Variants in CLSTN1 observed in about 807,000 individuals in gnomAD.
The protein encoded by CLSTN1 is calsyntenin 1, also known as calsyntenin-1.
A neutral mutation model predicts 108.3 loss-of-function variants in CLSTN1; 28 were observed. The ratio of observed to expected loss-of-function variants is 0.26; its 90% CI spans 0.19 to 0.35. CLSTN1 has a LOEUF of 0.35. CLSTN1 is among the 10% of genes least tolerant of loss of function. CLSTN1 has a pLI of 1.00. For missense variants in CLSTN1, 1,157 were observed against 1,302.6 expected (o/e 0.89, Z 1.72); for synonymous variants, 524 against 534.9 (o/e 0.98, Z 0.28).
intron 2 of CLSTN1, among the ~76,000 whole-genome samples, chr1:9,758,108 C>G (rs1192306742): frequency 2.0e-5 from 3 of 152,116 alleles, no homozygotes; most frequent in African/African-American, 7.2e-5. Flanking sequence ...ATTCTCCTGC[C>G]TCAGCTTCCT....
rs143279842 is a variant in CLSTN1, at chr1:9,799,962, A to T, written c.91+23681T>A. On this transcript the variant is annotated intron_variant, in intron 1 of 18. Coordinates refer to ENST00000377298, the MANE Select transcript of CLSTN1 (RefSeq NM_001009566.3). Reference sequence around the variant, plus strand: ...TCTCAAAATAAACAAACAAACAAAAAACCACACATAAATGTAACACGTGGA... The same window carrying T: ...TCTCAAAATAAACAAACAAACAAAATACCACACATAAATGTAACACGTGGA... Among the ~76,000 whole-genome samples, 863 of 152,280 alleles carry T rather than the reference A, an allele frequency of 5.7e-3. 9 individuals carry two copies. Among genetic ancestry groups the T allele is most frequent in the Middle Eastern group, 0.021 (6 of 292 alleles).
intron 1 of CLSTN1, among the ~76,000 whole-genome samples, chr1:9,798,065 G>A (rs1654090732): frequency 6.7e-6 from 1 of 150,102 alleles, no homozygotes; most frequent in African/African-American, 2.5e-5. Context: ...CTGCACTCCA[G>A]CCTGGGCAAC....
intron 3 of CLSTN1, among the ~76,000 whole-genome samples, chr1:9,756,125 T>C (rs991955358): frequency 3.3e-5 from 5 of 152,238 alleles, no homozygotes; most frequent in African/African-American, 1.2e-4. Flanking sequence ...TATAAATGTT[T>C]TGATGTCGAT....
chr1:9,808,185 G>A (rs1654585401), intron 1 of CLSTN1, among the ~76,000 whole-genome samples: 1 of 152,198 alleles, frequency 6.6e-6, no homozygotes, highest in Non-Finnish European at 1.5e-5. Context: ...AAGAGTCAGT[G>A]CTTCCCATAT....
chr1:9,823,899 C>T lies in CLSTN1; in HGVS notation c.-166G>A, dbSNP rs920049941. 3 of 184,260 alleles carry T rather than the reference C, an allele frequency of 1.6e-5. No individual in the cohort carries two copies. Among genetic ancestry groups the T allele is most frequent in the Admixed American group, 6.4e-5 (1 of 15,720 alleles). The allele number at this position is 184,260 out of a possible 1,614,324, so 11.4% of individuals were successfully genotyped here. On this transcript the variant is annotated 5_prime_UTR_variant, in exon 1 of 19. Transcript: ENST00000377298. The surrounding 1 kb of genome is among the most constrained non-coding windows in gnomAD (Gnocchi z 6.3). ...CGCCGCCGTGACGCTGGGCCGCGCG[C>T]TCAGGACGCGGCGCCCTCCCCGCCT... is the stretch of plus-strand genomic sequence containing the variant.
At chr1:9,745,658 T>C (rs1041788624) in intron 7 of CLSTN1, among the ~76,000 whole-genome samples, 4 of 151,544 alleles carry the variant, frequency 2.6e-5, no homozygotes, top group African/African-American at 9.7e-5. Context: ...GTCTCAAAAA[T>C]ATATAAACAA....
At chr1:9,744,298 C>T in intron 8 of CLSTN1, 97 bp downstream of exon 8, 11 of 1,491,276 alleles carry the variant, frequency 7.4e-6, no homozygotes, top group Non-Finnish European at 9.9e-6. Flanking sequence ...GAGCACCAGG[C>T]TGGCAGGGGA....
chr1:9,804,605 G>C (rs1254265488), intron 1 of CLSTN1, among the ~76,000 whole-genome samples: 1 of 152,134 alleles, frequency 6.6e-6, no homozygotes, highest in African/African-American at 2.4e-5. Context: ...AGCACTTTAG[G>C]AGGCCAAGGT....
At chr1:9,804,807 G>T (rs910106737) in intron 1 of CLSTN1, among the ~76,000 whole-genome samples, 5 of 152,134 alleles carry the variant, frequency 3.3e-5, no homozygotes, top group African/African-American at 1.2e-4. Flanking sequence ...ATTACAGCCT[G>T]GGCGATGGAG....
intron 2 of CLSTN1, among the ~76,000 whole-genome samples, chr1:9,763,493 CACAG>C (rs1652183595): frequency 1.3e-5 from 2 of 152,210 alleles, no homozygotes; most frequent in Admixed American, 1.3e-4. Flanking sequence ...ATGACTCCAA[CACAG>C]ACAGTCTGCA....
In CLSTN1 at chr1:9,809,842, A is replaced by G. The variant is rs1654656262; in HGVS notation, c.91+13801T>C. 2.0e-5 allele frequency among the ~76,000 whole-genome samples: 3 copies of G among 149,976 alleles called. No individual in the cohort carries two copies. The Admixed American group carries it at 2.0e-4, about 10-fold the overall frequency. Reference sequence around the variant, plus strand: ...CTGGAACCTGGGGGACAGAGGTTGCAGTGAACCGAGATCACACCACCGCAC... The same window carrying G: ...CTGGAACCTGGGGGACAGAGGTTGCGGTGAACCGAGATCACACCACCGCAC... On this transcript the variant is annotated intron_variant, in intron 1 of 18. Coordinates refer to ENST00000377298, the MANE Select transcript of CLSTN1 (RefSeq NM_001009566.3).
At chr1:9,774,049 T>G (rs529835808) in intron 1 of CLSTN1, among the ~76,000 whole-genome samples, 1 of 151,824 alleles carries the variant, frequency 6.6e-6, no homozygotes, top group Middle Eastern at 3.4e-3. Flanking sequence ...GCCCCAGTAT[T>G]ATTATTATTT....
At chr1:9,784,531 A>G (rs1235705750) in intron 1 of CLSTN1, among the ~76,000 whole-genome samples, 1 of 152,208 alleles carries the variant, frequency 6.6e-6, no homozygotes, top group Admixed American at 6.5e-5. Flanking sequence ...CACTGTTTCA[A>G]ACAAGAGTGT....
At chr1:9,792,863 G>A (rs1653828367) in intron 1 of CLSTN1, among the ~76,000 whole-genome samples, 1 of 151,340 alleles carries the variant, frequency 6.6e-6, no homozygotes, top group South Asian at 2.2e-4. Flanking sequence ...TGAATGTTGA[G>A]TAGTCCTATT....
intron 2 of CLSTN1, among the ~76,000 whole-genome samples, chr1:9,769,898 C>T (rs1327757823): frequency 1.3e-5 from 2 of 152,006 alleles, no homozygotes; most frequent in East Asian, 1.9e-4. Flanking sequence ...GGCGCGGTGG[C>T]GGACTCCTGT....
chr1:9,736,039 C>G lies in CLSTN1; in HGVS notation c.1580G>C (p.Gly527Ala). 1 of 1,614,150 alleles carries G rather than the reference C, an allele frequency of 6.2e-7. No individual in the cohort carries two copies. Among genetic ancestry groups the G allele is most frequent in the African/African-American group, 1.3e-5 (1 of 75,038 alleles). ...TEPVTVASAG[G>A]DLHMTQFFRG... ...GAAAAACTGGGTCATGTGCAGGTCG[C>G]CACCTTTGGGTCAGGGGAGAAAAGG... Residue 527 changes from glycine (G) to alanine (A), a missense_variant, in exon 12 of 19, where the codon GGC (glycine) becomes GCC (alanine). Transcript: ENST00000377298.
chr1:9,732,011 G>A (rs559059520), intron 16 of CLSTN1, 115 bp from the exon 17 acceptor site: 24 of 1,151,998 alleles, frequency 2.1e-5, no homozygotes, highest in Admixed American at 1.5e-4. Flanking sequence ...CTCCTGGACC[G>A]CAGCTGGGGG....
chr1:9,778,318 G>C (rs1425516680), intron 1 of CLSTN1, among the ~76,000 whole-genome samples: 1 of 150,930 alleles, frequency 6.6e-6, no homozygotes, highest in Non-Finnish European at 1.5e-5. Context: ...CCAGTACCTG[G>C]AATTATGCTT....
intron 1 of CLSTN1, among the ~76,000 whole-genome samples, chr1:9,802,588 T>C (rs1056701339): frequency 6.6e-6 from 1 of 152,178 alleles, no homozygotes; most frequent in Non-Finnish European, 1.5e-5. Context: ...CTCACCCAAA[T>C]GTATGCTTTC....
Sources: gnomAD v4.1 joint callset for allele counts (sites outside exome capture counted in the v4.1 genomes callset) on GRCh38, gnomAD v4.1.1 for gene constraint, Gnocchi (gnomAD v3.1) non-coding constraint, MANE v1.5 for transcripts, NCBI Gene and HGNC (gene_info 2026-07-23, HGNC 2026-07-21) for gene names.